The following TTLL7 variants were observed in gnomAD, a reference collection of about 807,000 sequenced individuals.
TTLL7 encodes the protein tubulin tyrosine ligase like 7.
Under a neutral mutation model 120.2 loss-of-function variants are expected in TTLL7, and 53 were observed. The observed-to-expected ratio is 0.44, with a 90% confidence interval of 0.35 to 0.55. TTLL7 has a LOEUF of 0.55. Ranked by LOEUF, TTLL7 falls within the 20% of genes least tolerant of loss-of-function variation. The pLI, the probability that TTLL7 is intolerant of heterozygous loss-of-function variation, is 0.00. For synonymous variants in TTLL7, 353 were observed against 351.7 expected (o/e 1.00, Z -0.04); for missense variants, 803 against 1,054.7 (o/e 0.76, Z 3.31).
chr1:83,894,909 C>G (rs1656082063), intron 18 of TTLL7, among the ~76,000 whole-genome samples: 5 of 151,996 alleles, frequency 3.3e-5, no homozygotes. Context: ...CTCGGAGACC[C>G]ACCCCTATAA....
intron 9 of TTLL7, among the ~76,000 whole-genome samples, chr1:83,931,078 A>T (rs1381284733): frequency 6.6e-6 from 1 of 150,588 alleles, no homozygotes; most frequent in East Asian, 2.0e-4. Flanking sequence ...TGACAGAAGA[A>T]ACTAAAAATT....
chr1:83,990,952 C>T (rs955405474), intron 1 of TTLL7, among the ~76,000 whole-genome samples: 2 of 152,162 alleles, frequency 1.3e-5, no homozygotes, highest in Non-Finnish European at 2.9e-5. Flanking sequence ...ACACAACTGT[C>T]CATGGATGAT....
intron 1 of TTLL7, among the ~76,000 whole-genome samples, chr1:83,967,672 C>T (rs866268816): frequency 2.6e-5 from 4 of 152,172 alleles, no homozygotes; most frequent in South Asian, 4.1e-4. Context: ...CCCCTTTTCA[C>T]TCTAAAATTC....
At chr1:83,995,008 T>G (rs1215782094) in intron 1 of TTLL7, among the ~76,000 whole-genome samples, 1 of 152,148 alleles carries the variant, frequency 6.6e-6, no homozygotes, top group Non-Finnish European at 1.5e-5. Flanking sequence ...ATTCTCCTTC[T>G]CTGACTATCA....
At position 83,869,434 on chromosome 1, in the gene TTLL7, C is replaced by T. The variant is rs1022231813; in HGVS notation, c.*528G>A. On this transcript the variant is annotated 3_prime_UTR_variant, in exon 21 of 21. Coordinates refer to ENST00000260505, the MANE Select transcript of TTLL7 (RefSeq NM_024686.6). ...CAGTGTGCTATAGTAATGATAAACCCGTTTTAAACTTCTTAATCTTATCAT... is the reference window on the plus strand; with the variant it reads ...CAGTGTGCTATAGTAATGATAAACCTGTTTTAAACTTCTTAATCTTATCAT... The T allele has an allele frequency of 6.6e-5, 10 of 152,218 alleles. No individual in the cohort carries two copies. Among genetic ancestry groups the T allele is most frequent in the African/African-American group, 2.4e-4 (10 of 41,408 alleles). The allele number at this position is 152,218 out of a possible 1,614,324, so 9.4% of individuals were successfully genotyped here. A position where few individuals can be genotyped will look rare whatever the true frequency, so the allele number is the denominator to read the frequency against.
chr1:83,960,325 A>G (rs1031455749), intron 1 of TTLL7, among the ~76,000 whole-genome samples: 2 of 152,166 alleles, frequency 1.3e-5, no homozygotes, highest in Non-Finnish European at 2.9e-5. Context: ...GCAGTAGTGG[A>G]GACAATCTTA....
In TTLL7 at chr1:83,890,399, T is replaced by A; in HGVS notation, c.2291A>T (p.Tyr764Phe). The change falls in exon 19 of 21, where the codon TAT (tyrosine) becomes TTT (phenylalanine). Residue 764 changes from tyrosine to phenylalanine, a missense_variant. This residue lies in a region of TTLL7 where 388 missense variants were observed against 450.4 expected (regional missense o/e 0.86). Transcript: ENST00000260505. ...ATTAAAAACCCGGTTGAAAATCCGA[T>A]ATAAATTTACTTCTTCAACATCAGG... ...KVPDVEEVNL[Y>F]RIFNRVFNRL... The A allele has an allele frequency of 6.2e-7, 1 of 1,613,406 alleles. No individual in the cohort carries two copies. Among genetic ancestry groups the A allele is most frequent in the Non-Finnish European group, 8.5e-7 (1 of 1,179,594 alleles).
Position 83,919,563 on chromosome 1 carries a change from T to A in TTLL7, c.1500+136A>T, listed in dbSNP as rs1442809276. ...TGGTTCATCATGAAATGTTACCAAC[T>A]GTTAAAATAGAAAGCTTGGGGAAAG... On this transcript the variant is annotated intron_variant, in intron 13 of 20. Transcript: ENST00000260505. The A allele has an allele frequency of 3.6e-5, 28 of 784,798 alleles. No homozygotes were observed. The East Asian group carries it at 7.6e-4, about 21-fold the overall frequency. 48.6% of individuals were successfully genotyped at this position (784,798 alleles called of 1,614,324 possible).
chr1:83,945,159 T>G (rs1263072303), intron 6 of TTLL7, among the ~76,000 whole-genome samples: 3 of 152,168 alleles, frequency 2.0e-5, no homozygotes, highest in African/African-American at 7.2e-5. Context: ...TTTTCAATAA[T>G]TACATTAAAT....
rs1406310272 is a variant in TTLL7, at chr1:83,999,104, T to G, written c.-350A>C. On this transcript the variant is annotated 5_prime_UTR_variant, in exon 1 of 21. Coordinates refer to ENST00000260505, the MANE Select transcript of TTLL7 (RefSeq NM_024686.6). ...GCCCGTGGCAGCCACGGCTCGGGAC[T>G]CCGGTGCTCGACGCGGAGTGCCTGG... is the stretch of plus-strand genomic sequence containing the variant. 1 of 439,882 alleles carries G rather than the reference T, an allele frequency of 2.3e-6. No individual in the cohort carries two copies. Among genetic ancestry groups the G allele is most frequent in the Non-Finnish European group, 4.5e-6 (1 of 221,762 alleles). The allele number at this position is 439,882 out of a possible 1,614,324, so 27.2% of individuals were successfully genotyped here.
chr1:83,869,152 T>C lies in TTLL7; in HGVS notation c.*810A>G, dbSNP rs1653129570. 6.6e-6 allele frequency: 1 copy of C among 152,018 alleles called. No homozygotes were observed. The highest frequency in any genetic ancestry group is 2.4e-5 in the African/African-American group (1 of 41,386). 9.4% of individuals were successfully genotyped at this position (152,018 alleles called of 1,614,324 possible). On this transcript the variant is annotated 3_prime_UTR_variant, in exon 21 of 21. Coordinates refer to ENST00000260505, the MANE Select transcript of TTLL7 (RefSeq NM_024686.6). ...CATCACGCCCAGCTAATTTTTGTAT[T>C]TTTAGTAGAGATGGGGTTTCACCAT...
At chr1:83,978,024 T>A (rs950724501) in intron 1 of TTLL7, among the ~76,000 whole-genome samples, 3 of 152,190 alleles carry the variant, frequency 2.0e-5, no homozygotes, top group Non-Finnish European at 1.5e-5. Context: ...TAGGTTTTTT[T>A]AATAAGAATT....
In TTLL7 at chr1:83,942,495, C is replaced by T; in HGVS notation, c.691G>A (p.Glu231Lys). ...GACTCATTAGGTGGAATGTACTTCTCTGTACCCATTCGCACAAGCCCATCA... is the reference window on the plus strand; with the variant it reads ...GACTCATTAGGTGGAATGTACTTCTTTGTACCCATTCGCACAAGCCCATCA... ...YHDGLVRMGT[E>K]KYIPPNESNL... is the part of the protein sequence containing the mutation. The change falls in exon 7 of 21, where the codon GAG (glutamate) becomes AAG (lysine). Residue 231 changes from glutamate (E) to lysine (K), a missense_variant. Transcript: ENST00000260505. 1 of 1,614,000 alleles carries T rather than the reference C, an allele frequency of 6.2e-7. No individual in the cohort carries two copies. The highest frequency in any genetic ancestry group is 8.5e-7 in the Non-Finnish European group (1 of 1,179,920).
chr1:83,909,836 A>T (rs1211633342), intron 15 of TTLL7, among the ~76,000 whole-genome samples: 2 of 152,068 alleles, frequency 1.3e-5, no homozygotes, highest in Non-Finnish European at 2.9e-5. Flanking sequence ...ACATCAGCTA[A>T]CAGGAAAGGG....
intron 18 of TTLL7, among the ~76,000 whole-genome samples, chr1:83,893,855 G>C (rs1466298987): frequency 6.6e-6 from 1 of 151,988 alleles, no homozygotes; most frequent in African/African-American, 2.4e-5. Context: ...TAGGGGAAGG[G>C]GCAGGGGATG....
Position 83,882,731 on chromosome 1 carries a change from C to A in TTLL7, c.2543+232G>T, listed in dbSNP as rs529944300. On this transcript the variant is annotated intron_variant, in intron 20 of 20. Transcript: ENST00000260505. ...TGAAGGTATATAAGTCAAATAACTT[C>A]ATTTCCAAGTATGTTTTATCACCTT... 4.7e-5 allele frequency: 19 copies of A among 406,656 alleles called. 1 individual carries two copies. The highest frequency in any genetic ancestry group is 6.5e-4 in the Middle Eastern group (1 of 1,534). The allele number at this position is 406,656 out of a possible 1,614,324, so 25.2% of individuals were successfully genotyped here.
chr1:83,920,944 T>C, intron 12 of TTLL7, 143 bp downstream of exon 12: 1 of 873,388 alleles, frequency 1.1e-6, no homozygotes, highest in South Asian at 1.9e-5. Context: ...TGACTACCTT[T>C]CTTTCTGAAA....
chr1:83,914,480 T>A (rs543799178), intron 14 of TTLL7, among the ~76,000 whole-genome samples: 1 of 151,792 alleles, frequency 6.6e-6, no homozygotes, highest in Non-Finnish European at 1.5e-5. Context: ...TACAGGCGCA[T>A]GCCACCACAC....
chr1:83,871,765 C>T (rs548369216), intron 20 of TTLL7, among the ~76,000 whole-genome samples: 57 of 151,822 alleles, frequency 3.8e-4, no homozygotes, highest in Non-Finnish European at 7.1e-4. Context: ...GTTGTGGTGG[C>T]GAGTGCCTGT....
Sources: gnomAD v4.1 joint callset for allele counts (sites outside exome capture counted in the v4.1 genomes callset) on GRCh38, gnomAD v4.1.1 for gene constraint, gnomAD v4.1.1 regional missense constraint, MANE v1.5 for transcripts, NCBI Gene and HGNC (gene_info 2026-07-23, HGNC 2026-07-21) for gene names.